The following TXNL4A variants were observed in gnomAD, a reference collection of about 807,000 sequenced individuals.
TXNL4A encodes the protein thioredoxin-like protein 4A.
Under a neutral mutation model 14.6 loss-of-function variants are expected in TXNL4A, and 17 were observed. The ratio of observed to expected loss-of-function variants is 1.16; its 90% CI spans 0.80 to 1.74. TXNL4A has a LOEUF of 1.74. Among genes scored for constraint, TXNL4A ranks in the 40% most tolerant of loss-of-function variants. The probability of loss-of-function intolerance (pLI) is 0.00; values close to 1 mark genes in which losing one functional copy is unlikely to be tolerated. For missense variants in TXNL4A, 74 were observed against 195.2 expected (o/e 0.38, Z 3.70); for synonymous variants, 83 against 70.6 (o/e 1.18, Z -0.88).
intron 1 of TXNL4A, among the ~76,000 whole-genome samples, chr18:80,024,936 T>A (rs2051874825): frequency 6.6e-6 from 1 of 152,200 alleles, no homozygotes; most frequent in Non-Finnish European, 1.5e-5. Context: ...GAACAAGTCC[T>A]CTAAGACCCC....
At chr18:79,992,876 TAAAAAAAAA>T (rs59567705), upstream of TXNL4A, among the ~76,000 whole-genome samples, 14 of 78,622 alleles carry the variant, frequency 1.8e-4, no homozygotes, top group South Asian at 6.3e-4. Flanking sequence ...TCATCTTATG[TAAAAAAAAA>T]AAAAAAAAAA....
chr18:80,033,674 C>T (rs771771454), intron 1 of TXNL4A, among the ~76,000 whole-genome samples: 21 of 152,236 alleles, frequency 1.4e-4, no homozygotes, highest in Non-Finnish European at 2.5e-4. Flanking sequence ...AGTATTTAAA[C>T]AAAACGTGTT....
At chr18:79,986,326 C>T (rs564749607) in intron 1 of TXNL4A, among the ~76,000 whole-genome samples, 81 of 152,262 alleles carry the variant, frequency 5.3e-4, no homozygotes, top group African/African-American at 1.9e-3. Flanking sequence ...TGAACTACCG[C>T]GCCTGGCCTA....
At chr18:80,017,227 T>C (rs149018972) in intron 1 of TXNL4A, among the ~76,000 whole-genome samples, 71,645 of 151,766 alleles carry the variant, frequency 0.47, 17,606 homozygotes, top group East Asian at 0.75. Context: ...CCTGAGACTT[T>C]GCCAAAGTTG....
intron 1 of TXNL4A, among the ~76,000 whole-genome samples, chr18:80,027,485 C>T (rs991691812): frequency 3.9e-5 from 6 of 152,170 alleles, no homozygotes; most frequent in Admixed American, 3.9e-4. Context: ...TCTGCAGTGC[C>T]TTCTTTAGTA....
intron 1 of TXNL4A, among the ~76,000 whole-genome samples, chr18:80,007,611 T>G (rs2051740487): frequency 1.3e-5 from 2 of 152,030 alleles, no homozygotes; most frequent in Admixed American, 6.5e-5. Flanking sequence ...TTTTTTTTAA[T>G]CAGGTACTGA....
At chr18:79,990,461 A>G (rs2051619327), upstream of TXNL4A, among the ~76,000 whole-genome samples, 1 of 152,196 alleles carries the variant, frequency 6.6e-6, no homozygotes, top group Non-Finnish European at 1.5e-5. Context: ...ATGAGATGGG[A>G]TGATAAAACA....
At chr18:79,986,864 T>C (rs2051557526) in intron 1 of TXNL4A, 5 of 728,722 alleles carry the variant, frequency 6.9e-6, no homozygotes, top group Non-Finnish European at 8.4e-6. Flanking sequence ...TTCCAGTATC[T>C]GCCCTTGTCC....
At chr18:80,025,936 G>T (rs1314081461) in intron 1 of TXNL4A, among the ~76,000 whole-genome samples, 1 of 152,208 alleles carries the variant, frequency 6.6e-6, no homozygotes, top group Non-Finnish European at 1.5e-5. Context: ...TTCCTCCAGT[G>T]CTCCAAAGGG....
intron 1 of TXNL4A, among the ~76,000 whole-genome samples, chr18:80,018,249 G>T (rs935349906): frequency 1.3e-5 from 2 of 152,082 alleles, no homozygotes; most frequent in African/African-American, 4.8e-5. Context: ...GGTACATAAC[G>T]AAATGAAGGC....
chr18:79,981,389 G>A (rs967359480), intron 1 of TXNL4A, among the ~76,000 whole-genome samples: 2 of 152,184 alleles, frequency 1.3e-5, no homozygotes, highest in African/African-American at 2.4e-5. Context: ...ACAGAGTGCA[G>A]GGCCAGGTGA....
intron 1 of TXNL4A, among the ~76,000 whole-genome samples, chr18:80,017,062 T>C (rs1429911170): frequency 6.7e-6 from 1 of 149,618 alleles, no homozygotes; most frequent in African/African-American, 2.4e-5. Flanking sequence ...TAGTTCTCCT[T>C]GAAGAGGTCC....
intron 1 of TXNL4A, among the ~76,000 whole-genome samples, chr18:79,984,766 G>A (rs1257453319): frequency 6.6e-6 from 1 of 152,128 alleles, no homozygotes; most frequent in Non-Finnish European, 1.5e-5. Context: ...ATGCTACAAT[G>A]CCCAGCTCAC....
intron 1 of TXNL4A, among the ~76,000 whole-genome samples, chr18:80,001,508 A>G (rs2051698239): frequency 6.6e-6 from 1 of 152,118 alleles, no homozygotes. Context: ...GAAGAGCCAC[A>G]GACACTCAAC....
chr18:80,003,401 C>A (rs563314367), intron 1 of TXNL4A, among the ~76,000 whole-genome samples: 1 of 152,336 alleles, frequency 6.6e-6, no homozygotes, highest in South Asian at 2.1e-4. Context: ...TCTTTGGGAA[C>A]AAAAGGAGAA....
chr18:79,988,442 C>A lies in TXNL4A; in HGVS notation c.-50G>T. 1 of 1,359,624 alleles carries A rather than the reference C, an allele frequency of 7.4e-7. No individual in the cohort carries two copies. Among genetic ancestry groups the A allele is most frequent in the Non-Finnish European group, 9.6e-7 (1 of 1,040,780 alleles). 84.2% of individuals were successfully genotyped at this position (1,359,624 alleles called of 1,614,324 possible). A position where few individuals can be genotyped will look rare whatever the true frequency, so the allele number is the denominator to read the frequency against. On this transcript the variant is annotated 5_prime_UTR_variant, in exon 1 of 3. Transcript: ENST00000269601. ...CCAAGGCGGGGCGCCAGGGAGGGCC[C>A]AGCGAGGTGGGCTCAGCCGGCCCCT...
At chr18:80,008,489 CTTTT>C (rs1364869286) in intron 1 of TXNL4A, among the ~76,000 whole-genome samples, 1 of 152,126 alleles carries the variant, frequency 6.6e-6, no homozygotes, top group Non-Finnish European at 1.5e-5. Flanking sequence ...TATTGTATCT[CTTTT>C]TGTCTGTCTC....
At position 79,983,618 on chromosome 18, in the gene TXNL4A, T is replaced by C. The variant is rs369776295; in HGVS notation, c.153+4622A>G. ...TAGCACAACAAATTTTTGAAGTGTT[T>C]ATTTTTACATTTTTAGGTAATTCAT... is the stretch of plus-strand genomic sequence containing the variant. On this transcript the variant is annotated intron_variant, in intron 1 of 2. Coordinates refer to ENST00000269601, the MANE Select transcript of TXNL4A (RefSeq NM_006701.5). Among the ~76,000 whole-genome samples, 37 of 152,358 alleles carry C rather than the reference T, an allele frequency of 2.4e-4. No homozygotes were observed. In the East Asian group the frequency reaches 3.1e-3, roughly 13 times the overall value.
At chr18:80,029,851 T>G (rs1301612991) in intron 1 of TXNL4A, among the ~76,000 whole-genome samples, 1 of 152,070 alleles carries the variant, frequency 6.6e-6, no homozygotes, top group East Asian at 1.9e-4. Context: ...ATTGCAACAT[T>G]GTGAGGGACT....
Sources: gnomAD v4.1 joint callset for allele counts (sites outside exome capture counted in the v4.1 genomes callset) on GRCh38, gnomAD v4.1.1 for gene constraint, MANE v1.5 for transcripts, NCBI Gene and HGNC (gene_info 2026-07-23, HGNC 2026-07-21) for gene names.